Variants in XRCC4 observed in about 807,000 individuals in gnomAD.
XRCC4 encodes X-ray repair cross complementing 4.
A neutral mutation model predicts 39.1 loss-of-function variants in XRCC4; 28 were observed. The ratio of observed to expected loss-of-function variants is 0.72; its 90% confidence interval spans 0.53 to 0.98. The LOEUF is 0.98. XRCC4 is among the 50% of genes least tolerant of loss of function. The pLI is 0.00. For synonymous variants in XRCC4, 123 were observed against 126.4 expected, an observed-to-expected ratio of 0.97 and a Z score of 0.18; for missense variants, 350 against 376.4, an observed-to-expected ratio of 0.93 and a Z score of 0.58.
intron 6 of XRCC4, among the ~76,000 whole-genome samples, chr5:83,257,673 A>C (rs930931956): frequency 2.6e-5 from 4 of 152,160 alleles, no homozygotes; most frequent in African/African-American, 9.7e-5. Context: ...TTGACCCAGC[A>C]ATCCCATTAC....
At chr5:83,369,276 G>A in the XRCC4 span, among the ~76,000 whole-genome samples, 1,235 of 152,234 alleles carry the variant, frequency 8.1e-3, 6 homozygotes, top group Middle Eastern at 0.017. Context: ...AGAATCAGAG[G>A]GCGCATGGGC....
At chr5:83,373,282 C>A in the XRCC4 span, among the ~76,000 whole-genome samples, 1 of 152,114 alleles carries the variant, frequency 6.6e-6, no homozygotes, top group South Asian at 2.1e-4. Flanking sequence ...AGCACGCACA[C>A]TTCATTGAGT....
chr5:83,147,275 C>CTCCA (rs1748498326), intron 3 of XRCC4, among the ~76,000 whole-genome samples: 1 of 152,092 alleles, frequency 6.6e-6, no homozygotes, highest in Non-Finnish European at 1.5e-5. Context: ...CAAACAAAAA[C>CTCCA]TCCATACACA....
At chr5:83,266,354 C>T (rs376978031) in intron 7 of XRCC4, among the ~76,000 whole-genome samples, 4 of 147,976 alleles carry the variant, frequency 2.7e-5, no homozygotes, top group African/African-American at 1.0e-4. Context: ...GTATTTGGTC[C>T]GTAGTAAAAA....
At chr5:83,249,077 A>G (rs1361823694) in intron 6 of XRCC4, among the ~76,000 whole-genome samples, 1 of 152,154 alleles carries the variant, frequency 6.6e-6, no homozygotes, top group Admixed American at 6.5e-5. Flanking sequence ...GGTAAGTTAC[A>G]GAATCAGGGA....
chr5:83,369,138 C>T, the XRCC4 span, among the ~76,000 whole-genome samples: 1 of 152,122 alleles, frequency 6.6e-6, no homozygotes, highest in East Asian at 1.9e-4. Context: ...TTACATAGTA[C>T]TCTAGATAGG....
chr5:83,336,742 A>G (rs943471923), intron 7 of XRCC4, among the ~76,000 whole-genome samples: 1 of 152,158 alleles, frequency 6.6e-6, no homozygotes, highest in Non-Finnish European at 1.5e-5. Flanking sequence ...TTAGAAGTTG[A>G]CCAGCATTTG....
chr5:83,194,273 G>T (rs906270361), intron 3 of XRCC4, among the ~76,000 whole-genome samples: 1 of 152,122 alleles, frequency 6.6e-6, no homozygotes, highest in Non-Finnish European at 1.5e-5. Context: ...AACTTTGTGT[G>T]TATATTTACA....
intron 7 of XRCC4, among the ~76,000 whole-genome samples, chr5:83,300,553 T>TGTGC (rs1389045004): frequency 9.5e-6 from 1 of 104,772 alleles, no homozygotes; most frequent in Admixed American, 1.3e-4. Context: ...TGTTTGTGTG[T>TGTGC]GTGTGTGTGT....
intron 7 of XRCC4, among the ~76,000 whole-genome samples, chr5:83,315,999 G>C (rs534953809): frequency 2.1e-4 from 32 of 152,252 alleles, no homozygotes; most frequent in South Asian, 8.3e-4. Flanking sequence ...GTTCTGGAAA[G>C]GAGTCACTGT....
chr5:83,151,805 A>G (rs1214341116), intron 3 of XRCC4, among the ~76,000 whole-genome samples: 1 of 152,234 alleles, frequency 6.6e-6, no homozygotes, highest in African/African-American at 2.4e-5. Context: ...ATAAAAGGAT[A>G]TAGTAACATT....
intron 3 of XRCC4, among the ~76,000 whole-genome samples, chr5:83,119,887 G>C (rs1447087621): frequency 6.6e-6 from 1 of 151,370 alleles, no homozygotes; most frequent in African/African-American, 2.4e-5. Context: ...TGAGGTGGGA[G>C]AATAACTTTA....
chr5:83,178,669 G>A (rs1483838171), intron 3 of XRCC4, among the ~76,000 whole-genome samples: 2 of 152,138 alleles, frequency 1.3e-5, no homozygotes, highest in South Asian at 2.1e-4. Context: ...GGGGGATTAA[G>A]GGAGATTTTT....
At chr5:83,264,463 G>C (rs1033743525) in intron 7 of XRCC4, among the ~76,000 whole-genome samples, 1 of 151,892 alleles carries the variant, frequency 6.6e-6, no homozygotes, top group Admixed American at 6.6e-5. Context: ...AACAGTGAGG[G>C]GGTCAGAGTC....
At chr5:83,171,847 A>G (rs956542405) in intron 3 of XRCC4, among the ~76,000 whole-genome samples, 1 of 152,170 alleles carries the variant, frequency 6.6e-6, no homozygotes, top group African/African-American at 2.4e-5. Flanking sequence ...AGTATGCTTT[A>G]TTTATGCATT....
chr5:83,137,235 T>C (rs1265116176), intron 3 of XRCC4, among the ~76,000 whole-genome samples: 1 of 152,134 alleles, frequency 6.6e-6, no homozygotes, highest in Non-Finnish European at 1.5e-5. Context: ...TTAAATTGGT[T>C]TAAAAGGGAT....
chr5:83,265,415 A>G (rs1234390047), intron 7 of XRCC4, among the ~76,000 whole-genome samples: 1 of 152,140 alleles, frequency 6.6e-6, no homozygotes, highest in East Asian at 1.9e-4. Context: ...GGTTTTTATT[A>G]GCTTCACTCT....
intron 1 of XRCC4, among the ~76,000 whole-genome samples, chr5:83,096,561 G>A (rs573436545): frequency 1.3e-5 from 2 of 152,208 alleles, no homozygotes; most frequent in African/African-American, 4.8e-5. Context: ...CCCTCAAAAT[G>A]GCCTTCCTAA....
At position 83,187,110 on chromosome 5, in the gene XRCC4, A is replaced by G. The variant is rs1750485547; in HGVS notation, c.316-8660A>G. 1.9e-5 allele frequency among the ~76,000 whole-genome samples: 2 copies of G among 105,212 alleles called. 1 individual carries two copies. The highest frequency in any genetic ancestry group is 7.2e-4 in the South Asian group (2 of 2,782). The allele number at this position is 105,212 out of a possible 152,430, so 69.0% of individuals were successfully genotyped here. ...AGGCGCCCGCCACCACGCCCGGCTA[A>G]TTTTTTGTATTTTTAGTAGAGGCGG... On this transcript the variant is annotated intron_variant, in intron 3 of 7. Transcript: ENST00000396027.
Sources: gnomAD v4.1 joint callset for allele counts (sites outside exome capture counted in the v4.1 genomes callset) on GRCh38, gnomAD v4.1.1 for gene constraint, MANE v1.5 for transcripts, NCBI Gene and HGNC (gene_info 2026-07-23, HGNC 2026-07-21) for gene names.